Variants in COL5A2 observed in about 807,000 individuals in gnomAD.
COL5A2 encodes collagen alpha-2(V) chain.
COL5A2 carries 23 observed loss-of-function variants against 208.2 expected under a neutral mutation model. The ratio of observed to expected loss-of-function variants is 0.11; its 90% CI spans 0.08 to 0.16. COL5A2 has a LOEUF of 0.16. Ranked by LOEUF, COL5A2 falls within the 10% of genes least tolerant of loss-of-function variation. The pLI, the probability that COL5A2 is intolerant of heterozygous loss-of-function variation, is 1.00. For missense variants in COL5A2, 1,590 were observed against 1,956.4 expected (o/e 0.81, Z 3.53); for synonymous variants, 625 against 628.5 (o/e 0.99, Z 0.08).
chr2:189,174,405 T>C (rs1688638319), intron 1 of COL5A2, among the ~76,000 whole-genome samples: 2 of 152,346 alleles, frequency 1.3e-5, no homozygotes, highest in Middle Eastern at 3.4e-3. Context: ...GAAGTGATGG[T>C]GACTTTGCAA....
chr2:189,204,450 C>A (rs10755002), intron 1 of COL5A2, among the ~76,000 whole-genome samples: 113,825 of 152,068 alleles, frequency 0.75, 44,741 homozygotes, highest in Non-Finnish European at 0.87. Flanking sequence ...ACTGCAACCT[C>A]CGTTGTTTCT....
At chr2:189,294,324 G>A in the COL5A2 span, among the ~76,000 whole-genome samples, 1 of 152,160 alleles carries the variant, frequency 6.6e-6, no homozygotes, top group African/African-American at 2.4e-5. Flanking sequence ...TTTGAAAACT[G>A]TATTTATATA....
the COL5A2 span, among the ~76,000 whole-genome samples, chr2:189,266,650 A>G: frequency 6.6e-6 from 1 of 152,108 alleles, no homozygotes; most frequent in African/African-American, 2.4e-5. Flanking sequence ...TCATGGGAAT[A>G]GGGTGTGTTT....
At chr2:189,081,261 A>G (rs574895021) in intron 12 of COL5A2, among the ~76,000 whole-genome samples, 230 of 152,352 alleles carry the variant, frequency 1.5e-3, no homozygotes, top group Non-Finnish European at 2.7e-3. Context: ...CATGACTTAT[A>G]CAAGGATACA....
At chr2:189,316,297 T>C in the COL5A2 span, among the ~76,000 whole-genome samples, 1 of 152,138 alleles carries the variant, frequency 6.6e-6, no homozygotes, top group Non-Finnish European at 1.5e-5. Flanking sequence ...AATGAGATCA[T>C]GTTCTTTGCA....
the COL5A2 span, among the ~76,000 whole-genome samples, chr2:189,327,103 A>C: frequency 2.7e-5 from 4 of 150,588 alleles, no homozygotes; most frequent in African/African-American, 7.4e-5. Context: ...TAATAAATAA[A>C]AAATAATGAA....
chr2:189,165,027 A>G (rs1372554441), intron 1 of COL5A2, among the ~76,000 whole-genome samples: 1 of 152,254 alleles, frequency 6.6e-6, no homozygotes, highest in Non-Finnish European at 1.5e-5. Context: ...TGACATCAGT[A>G]AAATATCATT....
chr2:189,156,108 G>C (rs147531730), intron 1 of COL5A2, among the ~76,000 whole-genome samples: 1 of 152,128 alleles, frequency 6.6e-6, no homozygotes, highest in Non-Finnish European at 1.5e-5. Flanking sequence ...TTTAAAATTA[G>C]CTGATTGGCA....
the COL5A2 span, among the ~76,000 whole-genome samples, chr2:189,377,271 T>C: frequency 0.036 from 5,530 of 152,292 alleles, 117 homozygotes; most frequent in Admixed American, 0.05. Flanking sequence ...TTCCTACATA[T>C]TTGTTAAGAC....
the COL5A2 span, among the ~76,000 whole-genome samples, chr2:189,387,501 G>A: frequency 7.2e-5 from 11 of 152,158 alleles, 1 homozygote; most frequent in South Asian, 8.3e-4. Context: ...AAATAGCCAC[G>A]CATTCCTGGA....
intron 1 of COL5A2, among the ~76,000 whole-genome samples, chr2:189,120,417 C>G (rs1687477244): frequency 6.6e-6 from 1 of 152,070 alleles, no homozygotes. Context: ...GAGGTTTTGT[C>G]TAATGCTGTT....
chr2:189,279,345 G>A, the COL5A2 span, among the ~76,000 whole-genome samples: 1 of 151,726 alleles, frequency 6.6e-6, no homozygotes, highest in African/African-American at 2.4e-5. Context: ...ATAGCAAAGA[G>A]AAATCTAAAT....
the COL5A2 span, among the ~76,000 whole-genome samples, chr2:189,282,013 G>A: frequency 2.0e-5 from 3 of 151,956 alleles, no homozygotes; most frequent in Admixed American, 6.6e-5. Flanking sequence ...GCAAAACCCC[G>A]TCTCTACCAA....
chr2:189,422,896 G>A, the COL5A2 span, among the ~76,000 whole-genome samples: 6 of 151,986 alleles, frequency 3.9e-5, no homozygotes, highest in African/African-American at 7.2e-5. Context: ...GATGGCACAC[G>A]CCTATAATCC....
chr2:189,317,696 A>G, the COL5A2 span, among the ~76,000 whole-genome samples: 370 of 152,346 alleles, frequency 2.4e-3, 2 homozygotes, highest in African/African-American at 8.6e-3. Context: ...AAAAATGTAT[A>G]TAATTCCAAA....
intron 2 of COL5A2, among the ~76,000 whole-genome samples, chr2:189,106,038 A>T (rs1283441393): frequency 6.6e-6 from 1 of 151,434 alleles, no homozygotes; most frequent in Non-Finnish European, 1.5e-5. Context: ...AATCCTTTTT[A>T]AAATCTTGTA....
At chr2:189,167,706 TC>T (rs1688493934) in intron 1 of COL5A2, among the ~76,000 whole-genome samples, 2 of 145,160 alleles carry the variant, frequency 1.4e-5, no homozygotes, top group African/African-American at 5.1e-5. Flanking sequence ...GCTTTGTAAA[TC>T]CCTGTGCAGT....
chr2:189,437,411 C>A, the COL5A2 span, among the ~76,000 whole-genome samples: 84 of 152,180 alleles, frequency 5.5e-4, no homozygotes, highest in Non-Finnish European at 1.1e-3. Flanking sequence ...AACAAGCTCC[C>A]AGGTGACACT....
intron 1 of COL5A2, among the ~76,000 whole-genome samples, chr2:189,176,649 C>T (rs1688683178): frequency 6.6e-6 from 1 of 151,982 alleles, no homozygotes; most frequent in South Asian, 2.1e-4. Context: ...TTTTCCTTAA[C>T]ACAAATGTGG....
Sources: allele counts gnomAD v4.1 joint callset (sites outside exome capture counted in the v4.1 genomes callset), GRCh38; gene constraint gnomAD v4.1.1; transcripts MANE v1.5; gene names NCBI Gene and HGNC (gene_info 2026-07-23, HGNC 2026-07-21).